Variants in EIF2D observed in about 807,000 individuals in gnomAD.
EIF2D encodes the protein hepatocellular carcinoma-associated antigen 56.
In EIF2D, 56 loss-of-function variants were observed where a neutral mutation model predicts 77.4. The ratio of observed to expected loss-of-function variants is 0.72; its 90% CI spans 0.58 to 0.90. The LOEUF (loss-of-function observed/expected upper bound fraction) is 0.90, where lower values mean the gene tolerates loss of function less well. Ranked by LOEUF, EIF2D falls within the 40% of genes least tolerant of loss-of-function variation. EIF2D has a pLI of 0.00. For synonymous variants in EIF2D, 230 were observed against 271.0 expected (o/e 0.85, Z 1.49); for missense variants, 574 against 706.5 (o/e 0.81, Z 2.13).
Position 206,597,156 on chromosome 1 carries a change from T to C in EIF2D, c.1332A>G (p.Leu444=), listed in dbSNP as rs1669687703. ...RLDPILCDCI[L]EKNEQHTVMK... is the part of the protein sequence containing the mutation. ...TGACTGTATGCTGTTCATTTTTCTC[T>C]AAGATGCAGTCACATAGGATGGGAT... The change falls in exon 12 of 15, where the codon TTA becomes TTG. Residue 444 remains leucine (L), a synonymous_variant. Coordinates refer to ENST00000271764, the MANE Select transcript of EIF2D (RefSeq NM_006893.3). 6.2e-7 allele frequency: 1 copy of C among 1,614,082 alleles called. No homozygotes were observed. Among genetic ancestry groups the C allele is most frequent in the South Asian group, 1.1e-5 (1 of 91,088 alleles).
chr1:206,586,897 C>T (rs1669140368), downstream of EIF2D: 15 of 1,614,158 alleles, frequency 9.3e-6, no homozygotes, highest in Non-Finnish European at 1.3e-5. Flanking sequence ...AGGACAAAAT[C>T]CAACAAGTGC....
Position 206,605,425 on chromosome 1 carries a change from G to A in EIF2D, c.505C>T (p.Leu169Phe). ...CACAAGTGGTCCTGGTAAGTGTGGA[G>A]CACAGAGAAGCCCCTTCCCTTCAGG... ...SGLKGRGFSVLHTYQDHLWRS... is the reference protein window; with the variant it reads ...SGLKGRGFSVFHTYQDHLWRS... The change falls in exon 5 of 15, where the codon CTC becomes TTC. Residue 169 changes from leucine (L) to phenylalanine (F), a missense_variant. Leu to Phe is a conservative substitution (Grantham distance 22). Transcript: ENST00000271764. The A allele has an allele frequency of 6.2e-7, 1 of 1,614,072 alleles. No homozygotes were observed. The highest frequency in any genetic ancestry group is 1.1e-5 in the South Asian group (1 of 91,066).
Position 206,599,915 on chromosome 1 carries a change from G to T in EIF2D, c.949-79C>A. On this transcript the variant is annotated intron_variant, in intron 8 of 14. Coordinates refer to ENST00000271764, the MANE Select transcript of EIF2D (RefSeq NM_006893.3). The surrounding 1 kb of genome is among the most constrained non-coding windows in gnomAD (Gnocchi z 4.1). ...GAGCACCCAGGATGTGCCAGAGTGA[G>T]CTAGGCAGGGACTGTGCAGGGATAT... is the stretch of plus-strand genomic sequence containing the variant. 2 of 1,372,754 alleles carry T rather than the reference G, an allele frequency of 1.5e-6. No individual in the cohort carries two copies. Among genetic ancestry groups the T allele is most frequent in the Non-Finnish European group, 1.0e-6 (1 of 974,700 alleles). The allele number at this position is 1,372,754 out of a possible 1,614,324, so 85.0% of individuals were successfully genotyped here. A position where few individuals can be genotyped will look rare whatever the true frequency, so the allele number is the denominator to read the frequency against.
Position 206,612,360 on chromosome 1 carries a change from G to A in EIF2D, c.-18C>T. The A allele has an allele frequency of 6.2e-7, 1 of 1,614,230 alleles. No individual in the cohort carries two copies. Among genetic ancestry groups the A allele is most frequent in the Non-Finnish European group, 8.5e-7 (1 of 1,180,014 alleles). On this transcript the variant is annotated 5_prime_UTR_variant, in exon 1 of 15. Transcript: ENST00000271764. ...GCAAACATGTCTGCTGGGGTGGCCT[G>A]GGGAAGAGAGCACAGAAGCCAGGGA...
Position 206,599,234 on chromosome 1 carries a change from G to T in EIF2D, c.1203-142C>A. The T allele has an allele frequency of 1.1e-6, 1 of 893,358 alleles. No individual in the cohort carries two copies. The highest frequency in any genetic ancestry group is 1.7e-6 in the Non-Finnish European group (1 of 580,598). The allele number at this position is 893,358 out of a possible 1,614,324, so 55.3% of individuals were successfully genotyped here. A position where few individuals can be genotyped will look rare whatever the true frequency, so the allele number is the denominator to read the frequency against. On this transcript the variant is annotated intron_variant, in intron 10 of 14. Transcript: ENST00000271764. This position sits in a 1 kb window ranked among gnomAD's most constrained non-coding sequence, Gnocchi z 4.1. ...TTTCTTCCCTTTTCCTGACTGAAGT[G>T]AGCATGACCATGTGAAGAATAATTA...
Position 206,584,322 on chromosome 1 carries a change from G to T in EIF2D, c.139-3160C>A. ...TGGGTGCTGCTGGGGCAATGGCCCC[G>T]AGTGGCAGATATGATCATGCAAGGC... On this transcript the variant is annotated intron_variant and NMD_transcript_variant, in intron 2 of 5. Transcript: ENST00000472709. The surrounding 1 kb of genome is among the most constrained non-coding windows in gnomAD (Gnocchi z 4.9). 1 of 1,500,956 alleles carries T rather than the reference G, an allele frequency of 6.7e-7. No homozygotes were observed. The highest frequency in any genetic ancestry group is 1.3e-5 in the South Asian group (1 of 77,792). The allele number at this position is 1,500,956 out of a possible 1,614,324, so 93.0% of individuals were successfully genotyped here. A position where few individuals can be genotyped will look rare whatever the true frequency, so the allele number is the denominator to read the frequency against.
At position 206,584,786 on chromosome 1, in the gene EIF2D, T is replaced by C; in HGVS notation, c.139-3624A>G. ...GCCTTGGGTGGGAGCTGTGGGCTTC[T>C]CCTGAGCACCAGGGGTCCAGCTGCC... On this transcript the variant is annotated intron_variant and NMD_transcript_variant, in intron 2 of 5. Transcript: ENST00000472709. This position sits in a 1 kb window ranked among gnomAD's most constrained non-coding sequence, Gnocchi z 4.9. 7.8e-7 allele frequency: 1 copy of C among 1,280,886 alleles called. No individual in the cohort carries two copies. Among genetic ancestry groups the C allele is most frequent in the Non-Finnish European group, 1.1e-6 (1 of 913,414 alleles). The allele number at this position is 1,280,886 out of a possible 1,614,324, so 79.3% of individuals were successfully genotyped here. A position where few individuals can be genotyped will look rare whatever the true frequency, so the allele number is the denominator to read the frequency against.
In EIF2D at chr1:206,611,438, G is replaced by A. The variant is rs145646958; in HGVS notation, c.57-64C>T. ...CAGACTTTTAATAAATATCAAGAAC[G>A]AACTCAAAAGTGCTCACTATAAAAT... On this transcript the variant is annotated intron_variant, in intron 1 of 14. Coordinates refer to ENST00000271764, the MANE Select transcript of EIF2D (RefSeq NM_006893.3). 9.6e-5 allele frequency: 134 copies of A among 1,399,576 alleles called. No individual in the cohort carries two copies. In the African/African-American group the frequency reaches 1.2e-3, roughly 12 times the overall value. 86.7% of individuals were successfully genotyped at this position (1,399,576 alleles called of 1,614,324 possible).
At chr1:206,600,384 CT>C in intron 7 of EIF2D, 76 bp from the exon 8 acceptor site, 16 of 1,393,932 alleles carry the variant, frequency 1.1e-5, no homozygotes, top group Non-Finnish European at 1.4e-5. Flanking sequence ...AGAGGAGGGC[CT>C]TTTTCCTCAG....
At chr1:206,593,482 A>C (rs1373269768) in intron 14 of EIF2D, 137 bp downstream of exon 14, 2 of 511,678 alleles carry the variant, frequency 3.9e-6, no homozygotes, top group Non-Finnish European at 6.2e-6. Flanking sequence ...AGAGAGAGAG[A>C]GAGAGCGAGA....
downstream of EIF2D, chr1:206,587,841 A>G (rs183369135): frequency 3.9e-5 from 6 of 152,748 alleles, no homozygotes; most frequent in Admixed American, 3.3e-4. Flanking sequence ...CAGTAAGAGA[A>G]AGCCAAAAAG....
At chr1:206,575,379 G>C (rs1553405003) in intron 4 of EIF2D, among the ~76,000 whole-genome samples, 4 of 152,174 alleles carry the variant, frequency 2.6e-5, no homozygotes, top group African/African-American at 9.7e-5. Context: ...TGTGGCAAAG[G>C]CTCATGGTGA....
At chr1:206,598,282 C>T (rs1558533919) in intron 11 of EIF2D, among the ~76,000 whole-genome samples, 2 of 152,118 alleles carry the variant, frequency 1.3e-5, no homozygotes, top group African/African-American at 2.4e-5. Context: ...AAGCAATCCT[C>T]CCACCTCAAC....
chr1:206,591,602 T>C, downstream of EIF2D: 2 of 652,502 alleles, frequency 3.1e-6, no homozygotes, highest in Non-Finnish European at 5.2e-6. Flanking sequence ...CAAAAATTAG[T>C]ACATTTTAGC....
intron 6 of EIF2D, 52 bp downstream of exon 6, chr1:206,602,899 G>A: frequency 6.3e-7 from 1 of 1,593,970 alleles, no homozygotes; most frequent in Non-Finnish European, 8.6e-7. Flanking sequence ...AGTTCGTCAG[G>A]CTCCTAAATT....
At chr1:206,590,889 G>A (rs1431838851), downstream of EIF2D, among the ~76,000 whole-genome samples, 1 of 152,186 alleles carries the variant, frequency 6.6e-6, no homozygotes, top group African/African-American at 2.4e-5. Context: ...TATACAAGGA[G>A]AGATCCAGTC....
intron 2 of EIF2D, chr1:206,582,975 C>T (rs531828272): frequency 6.4e-5 from 17 of 263,692 alleles, no homozygotes; most frequent in Non-Finnish European, 1.0e-4. Flanking sequence ...GAGTGCCAGA[C>T]GCTTTCACAC....
intron 4 of EIF2D, among the ~76,000 whole-genome samples, chr1:206,574,853 CTTTTT>C (rs71570015): frequency 0.014 from 1,202 of 86,098 alleles, 22 homozygotes; most frequent in African/African-American, 0.051. Context: ...GGACCAATGA[CTTTTT>C]TTTTTTTTTT....
chr1:206,605,307 G>C, intron 5 of EIF2D, 93 bp downstream of exon 5: 1 of 852,706 alleles, frequency 1.2e-6, no homozygotes, highest in Non-Finnish European at 1.8e-6. Context: ...TAAAGACATG[G>C]CTAGGACCAA....
Sources: gnomAD v4.1 joint callset for allele counts (sites outside exome capture counted in the v4.1 genomes callset) on GRCh38, gnomAD v4.1.1 for gene constraint, Gnocchi (gnomAD v3.1) non-coding constraint, MANE v1.5 for transcripts, NCBI Gene and HGNC (gene_info 2026-07-23, HGNC 2026-07-21) for gene names.